IARS1: variants seen among roughly 807,000 people sequenced by gnomAD.
IARS1 encodes isoleucyl-tRNA synthetase 1, also known as isoleucine--tRNA ligase, cytoplasmic.
In IARS1, 124 loss-of-function variants were observed where a neutral mutation model predicts 168.2. The ratio of observed to expected loss-of-function variants is 0.74; its 90% CI spans 0.64 to 0.86. The LOEUF is 0.86. Among genes scored for constraint, IARS1 ranks in the 40% least tolerant of loss-of-function variants. The pLI, the probability that IARS1 is intolerant of heterozygous loss-of-function variation, is 0.00. For missense variants in IARS1, 1,452 were observed against 1,515.8 expected, an observed-to-expected ratio of 0.96 and a Z score of 0.70; for synonymous variants, 532 against 529.4, an observed-to-expected ratio of 1.00 and a Z score of -0.07.
intron 30 of IARS1, among the ~76,000 whole-genome samples, chr9:92,234,180 C>T (rs889658008): frequency 3.9e-5 from 6 of 152,112 alleles, no homozygotes; most frequent in African/African-American, 1.4e-4. Context: ...GTTTATCTTA[C>T]ATCCTGTGAC....
intron 33 of IARS1, among the ~76,000 whole-genome samples, chr9:92,214,511 G>A (rs912629151): frequency 3.9e-5 from 6 of 152,192 alleles, no homozygotes; most frequent in Non-Finnish European, 7.3e-5. Flanking sequence ...CTGAGGTACC[G>A]GGTTCATCTC....
At chr9:92,281,424 A>G (rs1189983014) in intron 6 of IARS1, among the ~76,000 whole-genome samples, 1 of 152,078 alleles carries the variant, frequency 6.6e-6, no homozygotes, top group African/African-American at 2.4e-5. Flanking sequence ...GTGAGTCACC[A>G]TGCCTGGCCT....
chr9:92,273,516 T>C (rs1280690462), intron 10 of IARS1, among the ~76,000 whole-genome samples: 1 of 152,164 alleles, frequency 6.6e-6, no homozygotes, highest in Non-Finnish European at 1.5e-5. Context: ...TGCCAAAACA[T>C]TGAGAGTTAA....
intron 33 of IARS1, among the ~76,000 whole-genome samples, chr9:92,218,753 T>C (rs564577149): frequency 0.045 from 6,131 of 137,488 alleles, 136 homozygotes; most frequent in African/African-American, 0.069. Flanking sequence ...TACAAACCAC[T>C]GCTCAAGGAA....
At chr9:92,263,097 A>C in intron 16 of IARS1, 42 bp from the exon 17 acceptor site, 1 of 1,326,244 alleles carries the variant, frequency 7.5e-7, no homozygotes, top group Non-Finnish European at 1.1e-6. Context: ...ATAGAAATGA[A>C]GTCCAAGCAT....
chr9:92,293,390 T>C (rs1836704563), intron 1 of IARS1: 2 of 500,552 alleles, frequency 4.0e-6, no homozygotes, highest in South Asian at 1.5e-5. Flanking sequence ...GCTATATCAA[T>C]TTATACTATG....
intron 7 of IARS1, among the ~76,000 whole-genome samples, chr9:92,279,282 C>T (rs1432768440): frequency 1.3e-5 from 2 of 152,190 alleles, no homozygotes; most frequent in African/African-American, 4.8e-5. Context: ...TGATAAAGCT[C>T]AGATACAAAG....
chr9:92,256,753 G>C lies in IARS1; in HGVS notation c.2064C>G (p.Ser688Arg). The change falls in exon 20 of 34, where the codon AGC (serine) becomes AGG (arginine). Residue 688 changes from serine to arginine, a missense_variant. Coordinates refer to ENST00000443024, the MANE Select transcript of IARS1 (RefSeq NM_002161.6). ...FLYNENTVRE[S>R]PNITDRWILS... ...GGATCCACCGGTCTGTAATGTTGGG[G>C]CTTTCTCTAACCGTGTTCTCATTGT... 6.2e-7 allele frequency: 1 copy of C among 1,613,648 alleles called. No individual in the cohort carries two copies. Among genetic ancestry groups the C allele is most frequent in the Non-Finnish European group, 8.5e-7 (1 of 1,179,608 alleles).
chr9:92,251,019 GACTGTA>G, intron 22 of IARS1, 185 bp from the exon 23 acceptor site: 1 of 660,026 alleles, frequency 1.5e-6, no homozygotes, highest in Non-Finnish European at 2.7e-6. Context: ...ATAGCTGCAG[GACTGTA>G]GATAGAAAAA....
chr9:92,288,178 C>T lies in IARS1; in HGVS notation c.224G>A (p.Ser75Asn), dbSNP rs1472868478. 1.9e-6 allele frequency: 3 copies of T among 1,614,060 alleles called. No homozygotes were observed. Among genetic ancestry groups the T allele is most frequent in the Non-Finnish European group, 2.5e-6 (3 of 1,179,960 alleles). ...KDIVTRYAHQ[S>N]GFHVDRRFGW... ...AAATCTTCTGTCAACATGAAACCCACTCTGGTGAGCATATCTTGTAACTAT... is the reference window on the plus strand; with the variant it reads ...AAATCTTCTGTCAACATGAAACCCATTCTGGTGAGCATATCTTGTAACTAT... The change falls in exon 3 of 34, where the codon AGT becomes AAT. Residue 75 changes from serine to asparagine, a missense_variant. Transcript: ENST00000443024.
chr9:92,234,576 A>G (rs1827204628), intron 30 of IARS1, among the ~76,000 whole-genome samples: 1 of 152,170 alleles, frequency 6.6e-6, no homozygotes, highest in African/African-American at 2.4e-5. Flanking sequence ...CCCTCTGTAC[A>G]AGAACACTGT....
chr9:92,285,412 C>T (rs2133975573), intron 6 of IARS1, among the ~76,000 whole-genome samples: 1 of 152,262 alleles, frequency 6.6e-6, no homozygotes, highest in African/African-American at 2.4e-5. Context: ...GAAACGATGA[C>T]TACAGGAAGT....
In IARS1 at chr9:92,265,128, C is replaced by T. The variant is rs1208230860; in HGVS notation, c.1506-5G>A. On this transcript the variant is annotated splice_polypyrimidine_tract_variant and splice_region_variant and intron_variant, in intron 15 of 33. Transcript: ENST00000443024. ...GGAATGGTCAGGTGGTCAACACTAA[C>T]AAACAGAAAAGTAGTCATTTCTATT... 3.7e-6 allele frequency: 6 copies of T among 1,606,578 alleles called. No individual in the cohort carries two copies. Among genetic ancestry groups the T allele is most frequent in the South Asian group, 1.1e-5 (1 of 89,400 alleles).
chr9:92,233,372 G>A (rs932529972), intron 30 of IARS1, among the ~76,000 whole-genome samples: 3 of 152,148 alleles, frequency 2.0e-5, no homozygotes, highest in East Asian at 1.9e-4. Context: ...GTCATCCAAC[G>A]ATAGTTAATT....
At chr9:92,291,361 A>C (rs73516588) in intron 1 of IARS1, among the ~76,000 whole-genome samples, 4,701 of 152,280 alleles carry the variant, frequency 0.031, 260 homozygotes, top group African/African-American at 0.11. Context: ...TTTTGAAAGC[A>C]TCAAAAGCAT....
In IARS1 at chr9:92,247,268, C is replaced by T. The variant is rs186487907; in HGVS notation, c.2791+109G>A. ...GGAAAGGACAGGACACGACGGGACACGACAGGACAGGAAAGGAAAGGATGT... is the reference window on the plus strand; with the variant it reads ...GGAAAGGACAGGACACGACGGGACATGACAGGACAGGAAAGGAAAGGATGT... On this transcript the variant is annotated intron_variant, in intron 26 of 33. Coordinates refer to ENST00000443024, the MANE Select transcript of IARS1 (RefSeq NM_002161.6). The T allele has an allele frequency of 4.4e-5, 43 of 971,354 alleles. No individual in the cohort carries two copies. The South Asian group carries it at 5.4e-4, about 12-fold the overall frequency. 60.2% of individuals were successfully genotyped at this position (971,354 alleles called of 1,614,324 possible). A position where few individuals can be genotyped will look rare whatever the true frequency, so the allele number is the denominator to read the frequency against.
rs1487378642 is a variant in IARS1 at position 92,251,794 on chromosome 9, G to A, written c.2307+14C>T. On this transcript the variant is annotated intron_variant, in intron 22 of 33. Transcript: ENST00000443024. ...ATAGGCCAAAGGGTACTAGAAAGAA[G>A]CCAATCATCTTACCATAAGTCTGCA... 3.7e-6 allele frequency: 6 copies of A among 1,607,020 alleles called. No homozygotes were observed. Among genetic ancestry groups the A allele is most frequent in the Non-Finnish European group, 5.1e-6 (6 of 1,173,706 alleles).
At chr9:92,278,050 G>T in intron 8 of IARS1, 127 bp from the exon 9 acceptor site, 2 of 1,051,114 alleles carry the variant, frequency 1.9e-6, no homozygotes, top group Non-Finnish European at 1.5e-6. Context: ...TGTAATGTGT[G>T]ACTGCAAAGT....
At position 92,220,341 on chromosome 9, in the gene IARS1, G is replaced by A. The variant is rs888043792; in HGVS notation, c.3706+2179C>T. Among the ~76,000 whole-genome samples, 15 of 147,658 alleles carry A rather than the reference G, an allele frequency of 1.0e-4. No homozygotes were observed. In the South Asian group the frequency reaches 3.0e-3, roughly 30 times the overall value. ...TAGATGACGAGTTAGTGGGTGCAGC[G>A]CACCAGCATGGCACATGTATACATA... On this transcript the variant is annotated intron_variant, in intron 33 of 33. Coordinates refer to ENST00000443024, the MANE Select transcript of IARS1 (RefSeq NM_002161.6).
Sources: gnomAD v4.1 joint callset for allele counts (sites outside exome capture counted in the v4.1 genomes callset) on GRCh38, gnomAD v4.1.1 for gene constraint, MANE v1.5 for transcripts, NCBI Gene and HGNC (gene_info 2026-07-23, HGNC 2026-07-21) for gene names.